CAPN14: variants seen among roughly 807,000 people sequenced by gnomAD.
The protein encoded by CAPN14 is calpain 14, also known as calpain-14.
CAPN14 carries 94 observed loss-of-function variants against 101.3 expected under a neutral mutation model. That is an observed-to-expected ratio of 0.93 (90% confidence interval 0.79 to 1.10). The LOEUF (loss-of-function observed/expected upper bound fraction) is 1.10. Ranked by LOEUF, CAPN14 falls within the 50% of genes least tolerant of loss-of-function variation. The pLI, the probability that CAPN14 is intolerant of heterozygous loss-of-function variation, is 0.00. For missense variants in CAPN14, 837 were observed against 828.4 expected (o/e 1.01, Z -0.13); for synonymous variants, 338 against 317.9 (o/e 1.06, Z -0.67).
At position 31,180,964 on chromosome 2, in the gene CAPN14, G is replaced by C; in HGVS notation, c.1682C>G (p.Ala561Gly). 6.4e-7 allele frequency: 1 copy of C among 1,551,800 alleles called. No individual in the cohort carries two copies. Among genetic ancestry groups the C allele is most frequent in the Middle Eastern group, 1.7e-4 (1 of 5,992 alleles). ...GSRQPFFSLEACQGILALLDL... is the reference protein window; with the variant it reads ...GSRQPFFSLEGCQGILALLDL... The stretch of plus-strand genomic sequence containing the variant: ...CAGTAAGGCCAGGATCCCCTGGCAG[G>C]CTTCCAGGCTAAAGAAGGGCTGTCT... The change falls in exon 17 of 22, where the codon GCC (alanine) becomes GGC (glycine). Residue 561 changes from alanine to glycine, a missense_variant. By Grantham distance (60) the Ala-to-Gly change is moderately conservative. Transcript: ENST00000403897.
chr2:31,215,433 G>A (rs374569811), intron 1 of CAPN14, among the ~76,000 whole-genome samples: 1 of 152,224 alleles, frequency 6.6e-6, no homozygotes, highest in South Asian at 2.1e-4. Flanking sequence ...ATGGCCTCAA[G>A]TCCAAATGGC....
At chr2:31,190,407 A>T (rs1681119373) in intron 12 of CAPN14, among the ~76,000 whole-genome samples, 1 of 152,340 alleles carries the variant, frequency 6.6e-6, no homozygotes, top group African/African-American at 2.4e-5. Flanking sequence ...AGACAATGAG[A>T]ACTAGGGAAT....
chr2:31,229,304 C>T (rs1248953617), intron 1 of CAPN14, among the ~76,000 whole-genome samples: 2 of 152,102 alleles, frequency 1.3e-5, no homozygotes, highest in Non-Finnish European at 2.9e-5. Context: ...ATTACAAAAA[C>T]ATGTGTTAAG....
At chr2:31,209,773 A>T (rs919520786) in intron 1 of CAPN14, among the ~76,000 whole-genome samples, 1 of 152,158 alleles carries the variant, frequency 6.6e-6, no homozygotes, top group Non-Finnish European at 1.5e-5. Context: ...ATCTCTTCTC[A>T]AGTCTGTATT....
chr2:31,183,908 A>G (rs955439794), intron 16 of CAPN14, among the ~76,000 whole-genome samples: 5 of 135,186 alleles, frequency 3.7e-5, no homozygotes, highest in African/African-American at 1.1e-4. Context: ...TTCTTTAGAG[A>G]TGGAGTCTCA....
At position 31,191,928 on chromosome 2, in the gene CAPN14, C is replaced by T; in HGVS notation, c.1278+7G>A. The T allele has an allele frequency of 1.9e-6, 3 of 1,543,330 alleles. No homozygotes were observed. The highest frequency in any genetic ancestry group is 2.7e-5 in the African/African-American group (2 of 72,862). ...CCCATGCCCCTGTGGTTCAGAGGTCCACCTACCCTATACAGGTAGAAGCCA... is the reference window on the plus strand; with the variant it reads ...CCCATGCCCCTGTGGTTCAGAGGTCTACCTACCCTATACAGGTAGAAGCCA... On this transcript the variant is annotated splice_region_variant and intron_variant, in intron 11 of 21. Coordinates refer to ENST00000403897, the MANE Select transcript of CAPN14 (RefSeq NM_001145122.2).
chr2:31,218,191 T>C (rs1015739015), upstream of CAPN14, among the ~76,000 whole-genome samples: 47 of 152,252 alleles, frequency 3.1e-4, no homozygotes, highest in African/African-American at 1.1e-3. Flanking sequence ...AAGCATTTCT[T>C]AGCCCTCCTG....
intron 15 of CAPN14, among the ~76,000 whole-genome samples, chr2:31,187,054 G>A (rs1205817582): frequency 6.6e-6 from 1 of 152,188 alleles, no homozygotes; most frequent in African/African-American, 2.4e-5. Flanking sequence ...AGATGGGCAA[G>A]GCAGGTAAAT....
chr2:31,193,725 A>G (rs1445613699), intron 9 of CAPN14, among the ~76,000 whole-genome samples: 1 of 152,244 alleles, frequency 6.6e-6, no homozygotes, highest in African/African-American at 2.4e-5. Flanking sequence ...GCGACACTCT[A>G]TTTAAGCTGT....
intron 8 of CAPN14, 109 bp downstream of exon 8, chr2:31,197,140 G>T: frequency 1.4e-6 from 1 of 714,950 alleles, no homozygotes; most frequent in Non-Finnish European, 2.4e-6. Flanking sequence ...AAGGCTTCCT[G>T]ATCCAGCCTA....
upstream of CAPN14, among the ~76,000 whole-genome samples, chr2:31,218,977 A>G (rs1328257370): frequency 6.6e-6 from 1 of 151,420 alleles, no homozygotes; most frequent in East Asian, 1.9e-4. Context: ...ATTATTATCT[A>G]TCTCCCAGAC....
exon 2 of CAPN14, chr2:31,226,644 A>C (rs1683031742): frequency 6.6e-6 from 1 of 152,248 alleles, no homozygotes; most frequent in Non-Finnish European, 1.5e-5. Context: ...GGTGCAATCA[A>C]GATCCTGCTG....
In CAPN14 at chr2:31,230,989, G is replaced by A. The variant is rs973620363; in HGVS notation, c.-177+2802C>T. 1.6e-4 allele frequency among the ~76,000 whole-genome samples: 24 copies of A among 152,032 alleles called. No individual in the cohort carries two copies. Among genetic ancestry groups the A allele is most frequent in the African/African-American group, 5.8e-4 (24 of 41,368 alleles). On this transcript the variant is annotated intron_variant and NMD_transcript_variant, in intron 1 of 21. Coordinates refer to the CAPN14 transcript ENST00000398824. This position sits in a 1 kb window ranked among gnomAD's most constrained non-coding sequence, Gnocchi z 4.3. ...TATTTACTGTGTTGTTATTCTGTTG[G>A]TCTCTGTGCCAAAACCATATTAACC...
chr2:31,179,381 C>T (rs1370075043), intron 17 of CAPN14, among the ~76,000 whole-genome samples: 1 of 152,058 alleles, frequency 6.6e-6, no homozygotes, highest in African/African-American at 2.4e-5. Flanking sequence ...GCATCCATGT[C>T]CCTATAAAGG....
chr2:31,185,842 G>A (rs1680874760), intron 16 of CAPN14, among the ~76,000 whole-genome samples: 1 of 152,176 alleles, frequency 6.6e-6, no homozygotes, highest in African/African-American at 2.4e-5. Context: ...TCGTCTCCCT[G>A]AAGAAATCAG....
rs1680171423 is a variant in CAPN14 at position 31,173,945 on chromosome 2, T to C, written c.*736A>G. Reference sequence around the variant, plus strand: ...AGAGAATTTCTGGACAGATTTGAAATGGATCTGATAGTCTATATATCAAGC... The same window carrying C: ...AGAGAATTTCTGGACAGATTTGAAACGGATCTGATAGTCTATATATCAAGC... On this transcript the variant is annotated 3_prime_UTR_variant, in exon 22 of 22. Transcript: ENST00000403897. The C allele has an allele frequency of 6.6e-6, 1 of 152,224 alleles. No homozygotes were observed. The highest frequency in any genetic ancestry group is 6.5e-5 in the Admixed American group (1 of 15,282). 9.4% of individuals were successfully genotyped at this position (152,224 alleles called of 1,614,324 possible).
intron 2 of CAPN14, 101 bp downstream of exon 2, chr2:31,205,121 GT>G: frequency 1.0e-6 from 1 of 970,984 alleles, no homozygotes; most frequent in Non-Finnish European, 1.6e-6. Flanking sequence ...AGAGGAGAGA[GT>G]AGGAAAAAGC....
chr2:31,188,432 G>T, intron 13 of CAPN14, 78 bp from the exon 14 acceptor site: 1 of 1,339,134 alleles, frequency 7.5e-7, no homozygotes, highest in Non-Finnish European at 1.0e-6. Context: ...TCTCCTGGGA[G>T]CTCGTCTTCC....
chr2:31,193,191 T>C lies in CAPN14; in HGVS notation c.1054A>G (p.Met352Val), dbSNP rs1294132542. Reference protein sequence around the residue: ...QEAAQKWTYTMREGRWEKRST... With the variant: ...QEAAQKWTYTVREGRWEKRST... ...CGCTTCTCCCATCTCCCCTCCCGCA[T>C]GGTGTACGTCCACTTCTGGGCCGCC... Residue 352 changes from methionine (M) to valine (V), a missense_variant, in exon 10 of 22, where the codon ATG (methionine) becomes GTG (valine). Met to Val is a conservative substitution (Grantham distance 21, BLOSUM62 1). Coordinates refer to ENST00000403897, the MANE Select transcript of CAPN14 (RefSeq NM_001145122.2). 6.4e-7 allele frequency: 1 copy of C among 1,551,642 alleles called. No homozygotes were observed. The highest frequency in any genetic ancestry group is 2.4e-5 in the East Asian group (1 of 40,916).
Sources: allele counts gnomAD v4.1 joint callset (sites outside exome capture counted in the v4.1 genomes callset), GRCh38; gene constraint gnomAD v4.1.1; non-coding constraint Gnocchi (gnomAD v3.1); transcripts MANE v1.5; gene names NCBI Gene and HGNC (gene_info 2026-07-23, HGNC 2026-07-21).